The following AIDA variants were observed in gnomAD, a reference collection of about 807,000 sequenced individuals.
The protein encoded by AIDA is axin interactor, dorsalization-associated protein.
Under a neutral mutation model 42.7 loss-of-function variants are expected in AIDA, and 18 were observed. The observed-to-expected ratio is 0.42, with a 90% CI of 0.29 to 0.63. The LOEUF is 0.63. Ranked by LOEUF, AIDA falls within the 20% of genes least tolerant of loss-of-function variation. The probability of loss-of-function intolerance (pLI) is 0.19; values close to 1 mark genes in which losing one functional copy is unlikely to be tolerated. For synonymous variants in AIDA, 104 were observed against 122.9 expected, an observed-to-expected ratio of 0.85 and a Z score of 1.02; for missense variants, 250 against 354.1, an observed-to-expected ratio of 0.71 and a Z score of 2.36.
chr1:222,684,116 C>CTT (rs1204032605), intron 6 of AIDA, among the ~76,000 whole-genome samples: 1 of 144,784 alleles, frequency 6.9e-6, no homozygotes. Flanking sequence ...GAATGAATTT[C>CTT]TTTTTTTTTT....
In AIDA at chr1:222,709,214, C is replaced by T. The variant is rs145042558; in HGVS notation, c.110+2994G>A. Among the ~76,000 whole-genome samples, 835 of 152,170 alleles carry T rather than the reference C, an allele frequency of 5.5e-3. 2 individuals carry two copies. Among genetic ancestry groups the T allele is most frequent in the African/African-American group, 0.019 (803 of 41,506 alleles). ...CTGGGAGGCTGAGGTGGGTGGATCA[C>T]GAGGTCAAGAGTTCAAGACCAGCCT... is the stretch of plus-strand genomic sequence containing the variant. On this transcript the variant is annotated intron_variant, in intron 1 of 9. Transcript: ENST00000340020.
At chr1:222,671,243 T>A (rs987406753) in intron 8 of AIDA, among the ~76,000 whole-genome samples, 12 of 151,736 alleles carry the variant, frequency 7.9e-5, no homozygotes, top group African/African-American at 2.9e-4. Flanking sequence ...AAGAAAAAAA[T>A]AAGAAATTTA....
intron 2 of AIDA, among the ~76,000 whole-genome samples, chr1:222,701,948 T>G (rs1655719769): frequency 6.6e-6 from 1 of 151,686 alleles, no homozygotes; most frequent in Non-Finnish European, 1.5e-5. Flanking sequence ...GGTCTCGAAC[T>G]CCTGACCTCA....
At chr1:222,678,915 T>C (rs1163650146) in intron 6 of AIDA, among the ~76,000 whole-genome samples, 1 of 152,236 alleles carries the variant, frequency 6.6e-6, no homozygotes, top group African/African-American at 2.4e-5. Context: ...CTAACCATGA[T>C]GATGTACTTT....
chr1:222,690,290 A>G (rs1655336858), intron 4 of AIDA, among the ~76,000 whole-genome samples: 1 of 152,230 alleles, frequency 6.6e-6, no homozygotes, highest in African/African-American at 2.4e-5. Context: ...ACAATATGGG[A>G]CCACCTCCTG....
At chr1:222,685,031 T>A (rs760066531) in intron 6 of AIDA, among the ~76,000 whole-genome samples, 1 of 152,096 alleles carries the variant, frequency 6.6e-6, no homozygotes, top group African/African-American at 2.4e-5. Context: ...AAATACCCTA[T>A]AAAAGCAAGA....
intron 7 of AIDA, 104 bp downstream of exon 7, chr1:222,675,992 C>T (rs941581099): frequency 1.5e-6 from 2 of 1,303,422 alleles, no homozygotes; most frequent in Non-Finnish European, 2.0e-6. Context: ...TGAGTTGTCA[C>T]ATACATAAGA....
At chr1:222,671,138 G>A (rs879845560) in intron 8 of AIDA, among the ~76,000 whole-genome samples, 2 of 152,176 alleles carry the variant, frequency 1.3e-5, no homozygotes, top group East Asian at 3.9e-4. Flanking sequence ...GAGTTGGTAG[G>A]ACTGCCTGAG....
chr1:222,680,315 C>CGTCA (rs1664631321), intron 6 of AIDA, among the ~76,000 whole-genome samples: 1 of 152,064 alleles, frequency 6.6e-6, no homozygotes, highest in Admixed American at 6.6e-5. Flanking sequence ...AGCAGTCTGA[C>CGTCA]GTCAGCCTCT....
intron 8 of AIDA, among the ~76,000 whole-genome samples, chr1:222,670,954 C>A (rs1427278312): frequency 6.6e-6 from 1 of 152,186 alleles, no homozygotes; most frequent in Non-Finnish European, 1.5e-5. Flanking sequence ...TGCGGTGGCT[C>A]ATGCCTGTAA....
At chr1:222,700,571 C>T (rs1280855344) in intron 2 of AIDA, among the ~76,000 whole-genome samples, 1 of 151,826 alleles carries the variant, frequency 6.6e-6, no homozygotes, top group African/African-American at 2.4e-5. Context: ...TCCTGGCTAA[C>T]ACGTGAAACC....
intron 4 of AIDA, among the ~76,000 whole-genome samples, chr1:222,689,752 C>G (rs1329516100): frequency 2.6e-5 from 4 of 151,280 alleles, no homozygotes; most frequent in Non-Finnish European, 5.9e-5. Context: ...TTATTAAAGA[C>G]AGGATAATTT....
In AIDA at chr1:222,689,518, TATAC is replaced by T. The variant is rs1476957768; in HGVS notation, c.290-1864_290-1861del. Among the ~76,000 whole-genome samples the T allele has an allele frequency of 3.0e-3, 208 of 68,956 alleles. 2 individuals are homozygous for T. Among genetic ancestry groups the T allele is most frequent in the African/African-American group, 8.0e-3 (130 of 16,178 alleles). The allele number at this position is 68,956 out of a possible 152,430, so 45.2% of individuals were successfully genotyped here. On this transcript the variant is annotated intron_variant, in intron 4 of 9. Coordinates refer to ENST00000340020, the MANE Select transcript of AIDA (RefSeq NM_022831.4). ...ATATATATATATATATATATATATATATACACACATACACACACACACATATATA... is the reference window on the plus strand; with the variant it reads ...ATATATATATATATATATATATATATACACATACACACACACACATATATA...
intron 6 of AIDA, among the ~76,000 whole-genome samples, chr1:222,686,147 C>T (rs1454397481): frequency 1.3e-5 from 2 of 152,026 alleles, no homozygotes; most frequent in African/African-American, 2.4e-5. Context: ...GGTGACAGAA[C>T]GAGACTCTGT....
chr1:222,676,712 G>A (rs1274110615), intron 6 of AIDA, among the ~76,000 whole-genome samples: 1 of 151,958 alleles, frequency 6.6e-6, no homozygotes, highest in Admixed American at 6.6e-5. Context: ...CTGGAGTGCA[G>A]TGGCACAATC....
intron 4 of AIDA, among the ~76,000 whole-genome samples, chr1:222,688,414 T>C (rs1186720536): frequency 4.6e-5 from 7 of 152,134 alleles, no homozygotes; most frequent in South Asian, 2.1e-4. Context: ...CACATAATAA[T>C]GTTTCAGTCA....
chr1:222,680,869 G>A (rs1343681058), intron 6 of AIDA, among the ~76,000 whole-genome samples: 1 of 151,998 alleles, frequency 6.6e-6, no homozygotes, highest in African/African-American at 2.4e-5. Context: ...CACACAGTGG[G>A]CAAGGATCTC....
At chr1:222,711,482 G>T (rs1343037633) in intron 1 of AIDA, 1 of 152,128 alleles carries the variant, frequency 6.6e-6, no homozygotes, top group Admixed American at 6.6e-5. Context: ...TGCTCTCTTC[G>T]GTTCACATCC....
intron 2 of AIDA, among the ~76,000 whole-genome samples, chr1:222,695,285 G>A (rs187855352): frequency 6.6e-6 from 1 of 152,260 alleles, no homozygotes; most frequent in East Asian, 1.9e-4. Flanking sequence ...TGAGGTTGGG[G>A]GTTCAAGACC....
Sources: allele counts gnomAD v4.1 joint callset (sites outside exome capture counted in the v4.1 genomes callset), GRCh38; gene constraint gnomAD v4.1.1; transcripts MANE v1.5; gene names NCBI Gene and HGNC (gene_info 2026-07-23, HGNC 2026-07-21).